Variants in RBFOX1 observed in about 807,000 individuals in gnomAD.
RBFOX1 encodes the protein RNA binding protein fox-1 homolog 1.
Under a neutral mutation model 57.7 loss-of-function variants are expected in RBFOX1, and 8 were observed. The ratio of observed to expected loss-of-function variants is 0.14; its 90% CI spans 0.08 to 0.25. The LOEUF (loss-of-function observed/expected upper bound fraction) is 0.25. Among genes scored for constraint, RBFOX1 ranks in the 10% least tolerant of loss-of-function variants. RBFOX1 has a pLI of 1.00. For synonymous variants in RBFOX1, 326 were observed against 222.4 expected (o/e 1.47, Z -4.15); for missense variants, 611 against 548.5 (o/e 1.11, Z -1.14).
chr16:7,315,395 C>G (rs17143449), intron 4 of RBFOX1, among the ~76,000 whole-genome samples: 2 of 150,832 alleles, frequency 1.3e-5, no homozygotes, highest in African/African-American at 4.9e-5. Context: ...TAGTAGAATT[C>G]TGAAGTGAAT....
At position 6,931,295 on chromosome 16, in the gene RBFOX1, G is replaced by GTCTGTCTA. The variant is rs1286990133; in HGVS notation, c.-15-120759_-15-120758insGTCTATCT. ...AATCTATCTATCTGTCTGTCTGTCTGTCTATCTATCTATCTATCTATCTAT... is the reference window on the plus strand; with the variant it reads ...AATCTATCTATCTGTCTGTCTGTCTGTCTGTCTATCTATCTATCTATCTATCTATCTAT... On this transcript the variant is annotated intron_variant, in intron 3 of 15. Coordinates refer to ENST00000550418, the MANE Select transcript of RBFOX1 (RefSeq NM_018723.4). Among the ~76,000 whole-genome samples, 267 of 136,224 alleles carry GTCTGTCTA rather than the reference G, an allele frequency of 2.0e-3. 3 individuals carry two copies. The highest frequency in any genetic ancestry group is 1.5e-3 in the South Asian group (6 of 4,086). 89.4% of individuals were successfully genotyped at this position (136,224 alleles called of 152,430 possible). A position where few individuals can be genotyped will look rare whatever the true frequency, so the allele number is the denominator to read the frequency against.
intron 3 of RBFOX1, among the ~76,000 whole-genome samples, chr16:6,917,537 C>T (rs903310389): frequency 1.3e-5 from 2 of 152,194 alleles, no homozygotes; most frequent in East Asian, 1.9e-4. Flanking sequence ...AAGATCAATG[C>T]TAACAATGTT....
chr16:7,369,108 T>A (rs1446572071), intron 4 of RBFOX1, among the ~76,000 whole-genome samples: 1 of 149,936 alleles, frequency 6.7e-6, no homozygotes, highest in East Asian at 2.0e-4. Context: ...AAGAAGGAGG[T>A]TTTTCACAAC....
chr16:6,313,931 T>C (rs1166764953), intron 1 of RBFOX1, among the ~76,000 whole-genome samples: 1 of 152,224 alleles, frequency 6.6e-6, no homozygotes, highest in East Asian at 1.9e-4. Flanking sequence ...TCTCGCTTTA[T>C]AACAATGGTT....
At chr16:7,497,907 T>A (rs893189893) in intron 4 of RBFOX1, among the ~76,000 whole-genome samples, 2 of 152,222 alleles carry the variant, frequency 1.3e-5, no homozygotes, top group Admixed American at 1.3e-4. Flanking sequence ...AGAGAGTTTA[T>A]TTCATCTTTG....
chr16:6,233,038 T>C (rs1169017100), intron 1 of RBFOX1, among the ~76,000 whole-genome samples: 1 of 152,144 alleles, frequency 6.6e-6, no homozygotes, highest in East Asian at 1.9e-4. Context: ...CTCATCACTA[T>C]GTAGGCCCCG....
intron 1 of RBFOX1, among the ~76,000 whole-genome samples, chr16:6,054,641 T>C (rs949009229): frequency 6.6e-6 from 1 of 152,202 alleles, no homozygotes; most frequent in Admixed American, 6.5e-5. Flanking sequence ...TTGTTGTCGT[T>C]GGTTTAGAAT....
chr16:7,099,154 G>T (rs1173422130), intron 4 of RBFOX1, among the ~76,000 whole-genome samples: 3 of 151,904 alleles, frequency 2.0e-5, no homozygotes, highest in Non-Finnish European at 4.4e-5. Flanking sequence ...CTAAAAGTTA[G>T]TTGTAACCAT....
At chr16:7,379,253 A>G (rs549818239) in intron 4 of RBFOX1, among the ~76,000 whole-genome samples, 37 of 152,312 alleles carry the variant, frequency 2.4e-4, no homozygotes, top group African/African-American at 8.7e-4. Flanking sequence ...ACCATAAACT[A>G]AAGAGTTTCA....
At chr16:6,911,404 A>G (rs1443591320) in intron 3 of RBFOX1, among the ~76,000 whole-genome samples, 1 of 152,140 alleles carries the variant, frequency 6.6e-6, no homozygotes, top group Non-Finnish European at 1.5e-5. Flanking sequence ...AATCTGTTCC[A>G]TGCCCCTCCC....
intron 3 of RBFOX1, among the ~76,000 whole-genome samples, chr16:6,826,269 T>C (rs1318641638): frequency 3.3e-5 from 5 of 152,082 alleles, no homozygotes; most frequent in Admixed American, 6.6e-5. Context: ...CCCAGCACTT[T>C]GGGGAGGCCG....
chr16:6,088,472 C>G (rs2096121519), intron 1 of RBFOX1, among the ~76,000 whole-genome samples: 1 of 152,140 alleles, frequency 6.6e-6, no homozygotes, highest in Non-Finnish European at 1.5e-5. Context: ...TTCCTATCCA[C>G]CATTCAACCA....
At position 6,548,042 on chromosome 16, in the gene RBFOX1, T is replaced by C. The variant is rs149643861; in HGVS notation, c.-63-106561T>C. On this transcript the variant is annotated intron_variant, in intron 2 of 15. Coordinates refer to ENST00000550418, the MANE Select transcript of RBFOX1 (RefSeq NM_018723.4). The stretch of plus-strand genomic sequence containing the variant: ...TTTTCTTATTGACAAGCTCAGACTA[T>C]TCATCGTAGTAAGAATTGCAGGACC... Among the ~76,000 whole-genome samples, 232 of 152,282 alleles carry C rather than the reference T, an allele frequency of 1.5e-3. 1 individual carries two copies. The highest frequency in any genetic ancestry group is 5.3e-3 in the African/African-American group (221 of 41,558).
intron 4 of RBFOX1, among the ~76,000 whole-genome samples, chr16:7,399,495 C>A (rs969203214): frequency 6.6e-6 from 1 of 152,064 alleles, no homozygotes; most frequent in Admixed American, 6.6e-5. Flanking sequence ...AATGCAATGT[C>A]AGCAGATTGG....
At chr16:5,786,343 C>G (rs1338806402) in intron 3 of RBFOX1, among the ~76,000 whole-genome samples, 1 of 152,124 alleles carries the variant, frequency 6.6e-6, no homozygotes, top group African/African-American at 2.4e-5. Flanking sequence ...GCCCTTCCAG[C>G]TGTCCCTTGA....
At chr16:5,771,182 CG>C (rs2053964816) in intron 3 of RBFOX1, among the ~76,000 whole-genome samples, 1 of 152,228 alleles carries the variant, frequency 6.6e-6, no homozygotes, top group East Asian at 1.9e-4. Context: ...CTAGACACAG[CG>C]GGGCTACCCC....
intron 2 of RBFOX1, among the ~76,000 whole-genome samples, chr16:6,537,685 C>G (rs969400304): frequency 7.9e-5 from 12 of 152,176 alleles, no homozygotes; most frequent in Non-Finnish European, 1.3e-4. Flanking sequence ...CATTATAAAC[C>G]TCTTACAAAT....
intron 4 of RBFOX1, among the ~76,000 whole-genome samples, chr16:7,072,749 A>C (rs1053149960): frequency 6.6e-6 from 1 of 152,244 alleles, no homozygotes; most frequent in Non-Finnish European, 1.5e-5. Flanking sequence ...GGCAATGGGT[A>C]CAAAGCAGCA....
intron 4 of RBFOX1, among the ~76,000 whole-genome samples, chr16:7,060,928 T>A (rs2054045830): frequency 6.6e-6 from 1 of 152,134 alleles, no homozygotes; most frequent in African/African-American, 2.4e-5. Context: ...AGCTCAGGGG[T>A]TAGCAGAAAT....
Sources: allele counts gnomAD v4.1 joint callset (sites outside exome capture counted in the v4.1 genomes callset), GRCh38; gene constraint gnomAD v4.1.1; transcripts MANE v1.5; gene names NCBI Gene and HGNC (gene_info 2026-07-23, HGNC 2026-07-21).